Variants in GLI3 observed in about 807,000 individuals in gnomAD.
GLI3 encodes GLI family zinc finger 3, also known as transcription activator GLI3.
In GLI3, 20 loss-of-function variants were observed where a neutral mutation model predicts 100.8. That is an observed-to-expected ratio of 0.20 (90% CI 0.14 to 0.29). The LOEUF (loss-of-function observed/expected upper bound fraction) is 0.29, where lower values mean the gene tolerates loss of function less well. Ranked by LOEUF, GLI3 falls within the 10% of genes least tolerant of loss-of-function variation. The pLI is 1.00. For missense variants in GLI3, 2,040 were observed against 2,128.5 expected (o/e 0.96, Z 0.82); for synonymous variants, 938 against 860.5 (o/e 1.09, Z -1.58).
At position 41,966,654 on chromosome 7, in the gene GLI3, A is replaced by T; in HGVS notation, c.2432-13T>A. The stretch of plus-strand genomic sequence containing the variant: ...TTGGACTGTGTGCCTGGAGACAGAG[A>T]AAGGGAGAGACCATGCGGAGATGAA... On this transcript the variant is annotated splice_polypyrimidine_tract_variant and intron_variant, in intron 14 of 14. Transcript: ENST00000395925. This position sits in a 1 kb window ranked among gnomAD's most constrained non-coding sequence, Gnocchi z 5.8. The T allele has an allele frequency of 1.2e-6, 2 of 1,613,798 alleles. No homozygotes were observed. Among genetic ancestry groups the T allele is most frequent in the Non-Finnish European group, 1.7e-6 (2 of 1,179,868 alleles).
chr7:42,179,491 T>C (rs779552951), intron 2 of GLI3, among the ~76,000 whole-genome samples: 14 of 152,038 alleles, frequency 9.2e-5, no homozygotes, highest in South Asian at 6.2e-4. Context: ...ATCCAACTTA[T>C]ATTTGTAAAG....
chr7:42,135,907 C>A (rs1329790001), intron 3 of GLI3, among the ~76,000 whole-genome samples: 1 of 152,108 alleles, frequency 6.6e-6, no homozygotes, highest in South Asian at 2.1e-4. Context: ...TCTCCCCCTG[C>A]CACATGTAAG....
chr7:42,182,526 C>A (rs1345719084), intron 2 of GLI3, among the ~76,000 whole-genome samples: 1 of 150,300 alleles, frequency 6.7e-6, no homozygotes, highest in Non-Finnish European at 1.5e-5. Flanking sequence ...CGCCAAAGGA[C>A]CTCACATTTC....
At chr7:42,173,355 C>T (rs1342005393) in intron 2 of GLI3, among the ~76,000 whole-genome samples, 1 of 152,030 alleles carries the variant, frequency 6.6e-6, no homozygotes, top group Non-Finnish European at 1.5e-5. Context: ...CCAGTCTGGC[C>T]CTATTTTTTT....
chr7:42,141,647 G>C (rs866251392), intron 3 of GLI3, among the ~76,000 whole-genome samples: 2 of 152,196 alleles, frequency 1.3e-5, no homozygotes, highest in Middle Eastern at 3.4e-3. Context: ...ACTCCAGCCT[G>C]GGTGACAAAG....
intron 2 of GLI3, chr7:42,222,859 A>C (rs1788512092): frequency 4.9e-6 from 2 of 408,206 alleles, no homozygotes; most frequent in East Asian, 5.5e-5. Context: ...TGATTTCCAA[A>C]ATGCCAAAAC....
At position 42,118,380 on chromosome 7, in the gene GLI3, A is replaced by C. The variant is rs1583573029; in HGVS notation, c.367+29846T>G. ...CTCAATTTTCAGGTGATGGATACAA[A>C]GTTTAGAGAAAATGAAGAGCTAGAA... On this transcript the variant is annotated intron_variant, in intron 3 of 14. Transcript: ENST00000395925. 1.3e-5 allele frequency: 5 copies of C among 398,434 alleles called. No individual in the cohort carries two copies. The East Asian group carries it at 1.8e-4, about 14-fold the overall frequency. The allele number at this position is 398,434 out of a possible 1,614,324, so 24.7% of individuals were successfully genotyped here.
intron 10 of GLI3, among the ~76,000 whole-genome samples, chr7:42,015,520 T>C (rs1788733597): frequency 6.6e-6 from 1 of 152,130 alleles, no homozygotes; most frequent in Non-Finnish European, 1.5e-5. Flanking sequence ...CCCGGAGCTC[T>C]GTTTTATGTC....
rs758875079 is a variant in GLI3, at chr7:42,076,832, G to A, written c.393C>T (p.Phe131=). ...TGGCATCAATTGGTACAGGAGGATG[G>A]AAGGCAGGGAAAAGATGAGGAGGGT... The part of the protein sequence containing the change: ...HYHPPHLFPA[F]HPPVPIDARH... The change falls in exon 4 of 15, where the codon TTC becomes TTT. Residue 131 remains phenylalanine, a synonymous_variant. Transcript: ENST00000395925. 3.1e-6 allele frequency: 5 copies of A among 1,612,504 alleles called. No homozygotes were observed. The South Asian group carries it at 4.4e-5, about 14-fold the overall frequency.
chr7:42,167,125 C>A (rs1387984038), intron 2 of GLI3, among the ~76,000 whole-genome samples: 2 of 152,124 alleles, frequency 1.3e-5, no homozygotes, highest in African/African-American at 2.4e-5. Context: ...CTGTGCCTGG[C>A]CTGGTTCTGA....
Position 42,145,633 on chromosome 7 carries a change from AAAAC to A in GLI3, c.367+2589_367+2592del, listed in dbSNP as rs1786685583. On this transcript the variant is annotated intron_variant, in intron 3 of 14. Coordinates refer to ENST00000395925, the MANE Select transcript of GLI3 (RefSeq NM_000168.6). ...TGGCAAGAAAGAAAGAAAAAAAAAA[AAAAC>A]AGTCTACACTGAATCAAATACAAGT... The A allele has an allele frequency of 1.8e-5, 7 of 398,140 alleles. No individual in the cohort carries two copies. In the East Asian group the frequency reaches 2.5e-4, roughly 14 times the overall value. 24.7% of individuals were successfully genotyped at this position (398,140 alleles called of 1,614,324 possible). A position where few individuals can be genotyped will look rare whatever the true frequency, so the allele number is the denominator to read the frequency against.
intron 2 of GLI3, among the ~76,000 whole-genome samples, chr7:42,153,921 T>A (rs1786937983): frequency 6.6e-6 from 1 of 152,048 alleles, no homozygotes; most frequent in South Asian, 2.1e-4. Context: ...GCTCAGAAAC[T>A]AGCCGTCATG....
chr7:42,113,090 C>A (rs1174491913), intron 3 of GLI3, among the ~76,000 whole-genome samples: 1 of 152,048 alleles, frequency 6.6e-6, no homozygotes, highest in Non-Finnish European at 1.5e-5. Flanking sequence ...GGCAGGAGAA[C>A]TGCTTGAACC....
intron 2 of GLI3, among the ~76,000 whole-genome samples, chr7:42,194,144 T>A (rs1377134961): frequency 6.6e-6 from 1 of 152,222 alleles, no homozygotes; most frequent in Non-Finnish European, 1.5e-5. Context: ...TACAGCAAAC[T>A]GCTTGCAGAA....
intron 2 of GLI3, among the ~76,000 whole-genome samples, chr7:42,185,162 G>C (rs1020560245): frequency 6.6e-5 from 10 of 152,142 alleles, no homozygotes; most frequent in Admixed American, 1.3e-4. Context: ...TACCTGGACT[G>C]ACTGCTTTTA....
chr7:42,091,540 C>G (rs1785218362), intron 3 of GLI3, among the ~76,000 whole-genome samples: 1 of 152,256 alleles, frequency 6.6e-6, no homozygotes, highest in Non-Finnish European at 1.5e-5. Flanking sequence ...ACTGTGCTAA[C>G]ACAGTCGCCA....
At chr7:42,058,598 G>T (rs1340045188) in intron 4 of GLI3, among the ~76,000 whole-genome samples, 2 of 152,140 alleles carry the variant, frequency 1.3e-5, no homozygotes, top group African/African-American at 2.4e-5. Context: ...TGACACATTA[G>T]TCTAAATTCA....
intron 11 of GLI3, chr7:41,978,041 C>T: frequency 2.3e-6 from 1 of 426,096 alleles, no homozygotes; most frequent in Non-Finnish European, 4.3e-6. Flanking sequence ...GCACAAAGTT[C>T]ATTAATATAG....
At chr7:41,988,856 A>C (rs1243764465) in intron 10 of GLI3, among the ~76,000 whole-genome samples, 1 of 152,200 alleles carries the variant, frequency 6.6e-6, no homozygotes, top group Non-Finnish European at 1.5e-5. Context: ...CGAAAATGTA[A>C]CTGTTGTCTC....
Sources: gnomAD v4.1 joint callset for allele counts (sites outside exome capture counted in the v4.1 genomes callset) on GRCh38, gnomAD v4.1.1 for gene constraint, Gnocchi (gnomAD v3.1) non-coding constraint, MANE v1.5 for transcripts, NCBI Gene and HGNC (gene_info 2026-07-23, HGNC 2026-07-21) for gene names.